Variants in SYNJ1 observed in about 807,000 individuals in gnomAD.
SYNJ1 encodes polyphosphatidylinositol phosphatase SYNJ1.
Under a neutral mutation model 168.2 loss-of-function variants are expected in SYNJ1, and 78 were observed. That is an observed-to-expected ratio of 0.46 (90% CI 0.39 to 0.56). The LOEUF (loss-of-function observed/expected upper bound fraction) is 0.56. Ranked by LOEUF, SYNJ1 falls within the 20% of genes least tolerant of loss-of-function variation. SYNJ1 has a pLI of 0.00. For synonymous variants in SYNJ1, 539 were observed against 548.6 expected (o/e 0.98, Z 0.24); for missense variants, 1,303 against 1,597.6 (o/e 0.82, Z 3.14).
chr21:32,695,026 T>C, intron 5 of SYNJ1, 31 bp downstream of exon 5: 1 of 1,566,680 alleles, frequency 6.4e-7, no homozygotes, highest in Middle Eastern at 1.7e-4. Context: ...CTATAATAAA[T>C]TAATTAAGTA....
At chr21:32,698,999 C>T (rs527272163) in intron 4 of SYNJ1, among the ~76,000 whole-genome samples, 105 of 124,524 alleles carry the variant, frequency 8.4e-4, no homozygotes, top group Non-Finnish European at 1.7e-3. Flanking sequence ...TCAGTGTAGA[C>T]TGGGGGGAGC....
chr21:32,663,569 T>C (rs1430480449), intron 18 of SYNJ1, among the ~76,000 whole-genome samples: 2 of 152,136 alleles, frequency 1.3e-5, no homozygotes, highest in African/African-American at 4.8e-5. Flanking sequence ...CTACTGCCCA[T>C]AAAGACAGGC....
At position 32,631,572 on chromosome 21, in the gene SYNJ1, C is replaced by T. The variant is rs765410501; in HGVS notation, c.*233G>A. ...TCGCATATTTTCCTGGGATTGACTC[C>T]GAGCTGGAATTGGAGGCATTGTTGG... On this transcript the variant is annotated 3_prime_UTR_variant, in exon 33 of 33. Transcript: ENST00000674351. The T allele has an allele frequency of 1.4e-5, 23 of 1,613,896 alleles. No homozygotes were observed. The highest frequency in any genetic ancestry group is 6.7e-5 in the East Asian group (3 of 44,872).
intron 2 of SYNJ1, among the ~76,000 whole-genome samples, chr21:32,720,505 T>C (rs761871017): frequency 3.9e-5 from 6 of 152,236 alleles, no homozygotes; most frequent in Admixed American, 6.5e-5. Context: ...TTATGACTTA[T>C]GTTGTAAGAA....
At chr21:32,652,616 C>T (rs374623135) in intron 22 of SYNJ1, among the ~76,000 whole-genome samples, 34 of 152,190 alleles carry the variant, frequency 2.2e-4, no homozygotes, top group African/African-American at 7.7e-4. Context: ...GAGTACAATC[C>T]ATCTTGTGCA....
At position 32,628,907 on chromosome 21, in the gene SYNJ1, C is replaced by T. The variant is rs1215056636; in HGVS notation, c.*2898G>A. 1 of 152,596 alleles carries T rather than the reference C, an allele frequency of 6.6e-6. No homozygotes were observed. The highest frequency in any genetic ancestry group is 2.4e-5 in the African/African-American group (1 of 41,430). The allele number at this position is 152,596 out of a possible 1,614,324, so 9.5% of individuals were successfully genotyped here. On this transcript the variant is annotated 3_prime_UTR_variant, in exon 33 of 33. Transcript: ENST00000674351. ...TGCCACATAAGCAATAAAATTCTTACATATAAACAGCAATCTAATATAGAG... is the reference window on the plus strand; with the variant it reads ...TGCCACATAAGCAATAAAATTCTTATATATAAACAGCAATCTAATATAGAG...
At chr21:32,654,417 C>A (rs2040387617) in intron 21 of SYNJ1, among the ~76,000 whole-genome samples, 2 of 152,144 alleles carry the variant, frequency 1.3e-5, no homozygotes, top group South Asian at 4.1e-4. Flanking sequence ...CTTTGAAATA[C>A]ACAGGGAGAC....
chr21:32,684,175 C>G, intron 9 of SYNJ1, 56 bp from the exon 10 acceptor site: 1 of 1,520,796 alleles, frequency 6.6e-7, no homozygotes, highest in Non-Finnish European at 9.1e-7. Context: ...CTAAAACAAA[C>G]AGTGAATAAT....
rs760913576 is a variant in SYNJ1, at chr21:32,631,555, T to C, written c.*250A>G. The C allele has an allele frequency of 6.2e-7, 1 of 1,614,176 alleles. No homozygotes were observed. The highest frequency in any genetic ancestry group is 2.2e-5 in the East Asian group (1 of 44,880). On this transcript the variant is annotated 3_prime_UTR_variant, in exon 33 of 33. Coordinates refer to ENST00000674351, the MANE Select transcript of SYNJ1 (RefSeq NM_203446.3). The stretch of plus-strand genomic sequence containing the variant: ...AATGGGTTTGGAGAACTTCGCATAT[T>C]TTCCTGGGATTGACTCCGAGCTGGA...
chr21:32,630,968 G>A lies in SYNJ1; in HGVS notation c.*837C>T. 3 of 1,588,072 alleles carry A rather than the reference G, an allele frequency of 1.9e-6. No homozygotes were observed. Among genetic ancestry groups the A allele is most frequent in the Non-Finnish European group, 2.6e-6 (3 of 1,166,572 alleles). On this transcript the variant is annotated 3_prime_UTR_variant, in exon 33 of 33. Transcript: ENST00000674351. Reference sequence around the variant, plus strand: ...CTTAGCTCTATCCTGCCAAAAGCAAGTACCCACTGTTTTCTATTGCATGGC... The same window carrying A: ...CTTAGCTCTATCCTGCCAAAAGCAAATACCCACTGTTTTCTATTGCATGGC...
intron 18 of SYNJ1, among the ~76,000 whole-genome samples, chr21:32,659,855 G>A (rs1037410585): frequency 5.3e-5 from 8 of 152,202 alleles, no homozygotes; most frequent in Non-Finnish European, 1.0e-4. Flanking sequence ...GGGAAGTGAG[G>A]TGATTAACGG....
intron 18 of SYNJ1, among the ~76,000 whole-genome samples, chr21:32,658,296 T>A (rs909594176): frequency 6.6e-6 from 1 of 152,176 alleles, no homozygotes; most frequent in African/African-American, 2.4e-5. Context: ...CAGCTGGATG[T>A]CAGAGAGAAG....
At position 32,673,512 on chromosome 21, in the gene SYNJ1, C is replaced by G. The variant is rs371301276; in HGVS notation, c.1554G>C (p.Lys518Asn). ...ATTTGTAGAAATTCTCACACATGCTCTTTAGTACTTTAGAAGATGCTAATC... is the reference window on the plus strand; with the variant it reads ...ATTTGTAGAAATTCTCACACATGCTGTTTAGTACTTTAGAAGATGCTAATC... ...TLQSASSKVL[K>N]SMCENFYKYS... Residue 518 changes from lysine to asparagine, a missense_variant, in exon 14 of 33, where the codon AAG becomes AAC. Physicochemically the swap from Lys to Asn is moderately conservative, Grantham distance 94. Around this residue, in one of 2 missense-constraint regions of SYNJ1, gnomAD observed 920 missense variants for 1,208.8 expected, o/e 0.76. Transcript: ENST00000674351. 1.1e-5 allele frequency: 17 copies of G among 1,609,618 alleles called. No individual in the cohort carries two copies. The highest frequency in any genetic ancestry group is 1.7e-5 in the Admixed American group (1 of 59,232).
At chr21:32,675,266 C>T (rs2041359010) in intron 13 of SYNJ1, among the ~76,000 whole-genome samples, 1 of 152,130 alleles carries the variant, frequency 6.6e-6, no homozygotes, top group Admixed American at 6.6e-5. Flanking sequence ...TAAAAACGTA[C>T]TGCCTCACTG....
intron 6 of SYNJ1, among the ~76,000 whole-genome samples, chr21:32,691,933 T>A (rs1205128558): frequency 1.3e-5 from 2 of 152,204 alleles, no homozygotes; most frequent in African/African-American, 4.8e-5. Context: ...GGCCTGAAGT[T>A]GGACAGGCTG....
At position 32,643,335 on chromosome 21, in the gene SYNJ1, G is replaced by A. The variant is rs1221006505; in HGVS notation, c.3478+75C>T. 1.8e-5 allele frequency: 26 copies of A among 1,463,432 alleles called. No homozygotes were observed. The Admixed American group carries it at 2.0e-4, about 11-fold the overall frequency. The allele number at this position is 1,463,432 out of a possible 1,614,324, so 90.7% of individuals were successfully genotyped here. A position where few individuals can be genotyped will look rare whatever the true frequency, so the allele number is the denominator to read the frequency against. On this transcript the variant is annotated intron_variant, in intron 27 of 32. Coordinates refer to ENST00000674351, the MANE Select transcript of SYNJ1 (RefSeq NM_203446.3). ...GATTTAGTATGCCTGCAAACACTGC[G>A]GGGTGGGGAGGTGGGGCGCTGACAC...
rs2145981618 is a variant in SYNJ1, at chr21:32,673,449, G to T, written c.1617C>A (p.Thr539=). The change falls in exon 14 of 33, where the codon ACC becomes ACA. Residue 539 remains threonine, a synonymous_variant. Transcript: ENST00000674351. ...KPKKIRVCVG[T]WNVNGGKQFR... is the part of the protein sequence containing the mutation. The stretch of plus-strand genomic sequence containing the variant: ...ATTGCTTCCCACCATTCACATTCCA[G>T]GTTCCGACACATACTCGAATTTTCT... 3.7e-6 allele frequency: 6 copies of T among 1,613,224 alleles called. No homozygotes were observed. The highest frequency in any genetic ancestry group is 5.1e-6 in the Non-Finnish European group (6 of 1,179,634).
At chr21:32,710,045 A>G (rs1001980708) in intron 2 of SYNJ1, among the ~76,000 whole-genome samples, 2 of 151,910 alleles carry the variant, frequency 1.3e-5, no homozygotes, top group Non-Finnish European at 2.9e-5. Flanking sequence ...ACTACAAAAA[A>G]TACAAAAATT....
At chr21:32,659,546 C>T (rs845006) in intron 18 of SYNJ1, among the ~76,000 whole-genome samples, 12,176 of 152,178 alleles carry the variant, frequency 0.08, 630 homozygotes, top group South Asian at 0.16. Context: ...CTATAGATTT[C>T]AGGCCTGTAT....
Sources: allele counts gnomAD v4.1 joint callset (sites outside exome capture counted in the v4.1 genomes callset), GRCh38; gene constraint gnomAD v4.1.1; regional missense constraint gnomAD v4.1.1; transcripts MANE v1.5; gene names NCBI Gene and HGNC (gene_info 2026-07-23, HGNC 2026-07-21).